WHRN: variants seen among roughly 807,000 people sequenced by gnomAD.
WHRN encodes the protein CASK-interacting protein CIP98.
In WHRN, 41 loss-of-function variants were observed where a neutral mutation model predicts 68.3. The observed-to-expected ratio is 0.60, with a 90% CI of 0.47 to 0.78. WHRN has a LOEUF of 0.78. Among genes scored for constraint, WHRN ranks in the 30% least tolerant of loss-of-function variants. WHRN has a pLI of 0.00. For synonymous variants in WHRN, 560 were observed against 561.3 expected (o/e 1.00, Z 0.03); for missense variants, 1,243 against 1,244.7 (o/e 1.00, Z 0.02).
intron 3 of WHRN, among the ~76,000 whole-genome samples, chr9:114,436,283 T>C (rs977381089): frequency 2.6e-5 from 4 of 152,238 alleles, no homozygotes; most frequent in African/African-American, 9.6e-5. Context: ...TGTATTACAC[T>C]ATAATGTTTG....
At position 114,424,641 on chromosome 9, in the gene WHRN, T is replaced by C. The variant is rs1407375529; in HGVS notation, c.1204-95A>G. Reference sequence around the variant, plus strand: ...CCTCTGCCCTTCCATCCTGTCTAAGTGTGGTGTTTCATCTGTTATTCTCCC... The same window carrying C: ...CCTCTGCCCTTCCATCCTGTCTAAGCGTGGTGTTTCATCTGTTATTCTCCC... On this transcript the variant is annotated intron_variant, in intron 5 of 11. Transcript: ENST00000362057. 2.9e-6 allele frequency: 4 copies of C among 1,355,992 alleles called. No individual in the cohort carries two copies. The African/African-American group carries it at 5.8e-5, about 20-fold the overall frequency. 84.0% of individuals were successfully genotyped at this position (1,355,992 alleles called of 1,614,324 possible).
At chr9:114,404,979 G>T (rs4979380) in intron 9 of WHRN, among the ~76,000 whole-genome samples, 2 of 151,802 alleles carry the variant, frequency 1.3e-5, no homozygotes, top group South Asian at 4.2e-4. Flanking sequence ...ACTCAGCTCA[G>T]GCAGGGGCCA....
Position 114,486,372 on chromosome 9 carries a change from G to A in WHRN, c.619-7601C>T, listed in dbSNP as rs189791442. Among the ~76,000 whole-genome samples the A allele has an allele frequency of 8.5e-5, 13 of 152,272 alleles. No individual in the cohort carries two copies. The East Asian group carries it at 1.9e-3, about 23-fold the overall frequency. On this transcript the variant is annotated intron_variant, in intron 1 of 11. Transcript: ENST00000362057. ...AGCACACTTCTGTGATTGTGCTGCC[G>A]TCTATACCACAGGCTCTGAGTCACA...
At chr9:114,404,430 T>C (rs180732097) in intron 9 of WHRN, among the ~76,000 whole-genome samples, 41 of 152,350 alleles carry the variant, frequency 2.7e-4, no homozygotes, top group Non-Finnish European at 5.4e-4. Context: ...CACATAATGC[T>C]ACCAATTTTT....
rs1038477778 is a variant in WHRN, at chr9:114,505,434, C to G, written c.-633G>C. 1 of 152,332 alleles carries G rather than the reference C, an allele frequency of 6.6e-6. No homozygotes were observed. The highest frequency in any genetic ancestry group is 1.5e-5 in the Non-Finnish European group (1 of 68,142). 9.4% of individuals were successfully genotyped at this position (152,332 alleles called of 1,614,324 possible). A position where few individuals can be genotyped will look rare whatever the true frequency, so the allele number is the denominator to read the frequency against. On this transcript the variant is annotated 5_prime_UTR_variant, in exon 1 of 12. Coordinates refer to ENST00000362057, the MANE Select transcript of WHRN (RefSeq NM_015404.4). Reference sequence around the variant, plus strand: ...CGCCTCTGCGCCGCCCGGCCGCAAGCCCGGACTTTGCGAACTGTTGAGCCA... The same window carrying G: ...CGCCTCTGCGCCGCCCGGCCGCAAGGCCGGACTTTGCGAACTGTTGAGCCA...
At chr9:114,468,453 C>T (rs185341555) in intron 2 of WHRN, among the ~76,000 whole-genome samples, 10 of 152,200 alleles carry the variant, frequency 6.6e-5, no homozygotes, top group Non-Finnish European at 1.3e-4. Flanking sequence ...GAACAAAAAG[C>T]GGTGGCTTTG....
chr9:114,494,411 G>C (rs1843272273), intron 1 of WHRN, among the ~76,000 whole-genome samples: 1 of 152,194 alleles, frequency 6.6e-6, no homozygotes, highest in Non-Finnish European at 1.5e-5. Flanking sequence ...GAGGAAACCT[G>C]AACAGAGAAG....
intron 2 of WHRN, among the ~76,000 whole-genome samples, chr9:114,475,791 G>T: frequency 6.6e-6 from 1 of 152,100 alleles, no homozygotes; most frequent in East Asian, 1.9e-4. Flanking sequence ...CTTCCCAATA[G>T]GGAAATGGGG....
At chr9:114,463,695 C>A (rs184512165) in intron 3 of WHRN, among the ~76,000 whole-genome samples, 301 of 152,336 alleles carry the variant, frequency 2.0e-3, no homozygotes, top group African/African-American at 6.7e-3. Context: ...TTCCAACATA[C>A]ATTTATTAAA....
At position 114,466,422 on chromosome 9, in the gene WHRN, G is replaced by A. The variant is rs773437643; in HGVS notation, c.838-30C>T. 9.3e-6 allele frequency: 15 copies of A among 1,613,172 alleles called. No individual in the cohort carries two copies. The South Asian group carries it at 1.5e-4, about 17-fold the overall frequency. On this transcript the variant is annotated intron_variant, in intron 2 of 11. Transcript: ENST00000362057. ...CAGAGGGAGAGGATAACATTAGAGG[G>A]ACTGGAGGAGCCATCCCTTCCGGGG... is the stretch of plus-strand genomic sequence containing the variant.
intron 3 of WHRN, among the ~76,000 whole-genome samples, chr9:114,456,554 G>T (rs1839818045): frequency 6.6e-6 from 1 of 152,168 alleles, no homozygotes; most frequent in Admixed American, 6.5e-5. Flanking sequence ...GGGGCCAGGT[G>T]TGGTGGCTCA....
chr9:114,428,313 G>C (rs925437516), intron 3 of WHRN, among the ~76,000 whole-genome samples: 2 of 152,230 alleles, frequency 1.3e-5, no homozygotes, highest in African/African-American at 4.8e-5. Context: ...CTGGGTGACA[G>C]AGCAAGACTC....
chr9:114,469,248 G>C (rs61623886), intron 2 of WHRN, among the ~76,000 whole-genome samples: 10,798 of 152,288 alleles, frequency 0.071, 1,297 homozygotes, highest in African/African-American at 0.25. Context: ...TGATGACTGT[G>C]GGCTGCTGTG....
chr9:114,478,813 C>G, intron 1 of WHRN, 42 bp from the exon 2 acceptor site: 1 of 1,575,614 alleles, frequency 6.3e-7, no homozygotes, highest in South Asian at 1.1e-5. Context: ...AGGGAGGTGC[C>G]GGGGGTGTGG....
At chr9:114,503,615 C>T (rs1249314171) in intron 1 of WHRN, 1 of 153,088 alleles carries the variant, frequency 6.5e-6, no homozygotes, top group Non-Finnish European at 1.5e-5. Context: ...GGTTAGGGAC[C>T]GCTTATTTGG....
At chr9:114,431,612 G>A (rs1374046853) in intron 3 of WHRN, among the ~76,000 whole-genome samples, 6 of 152,088 alleles carry the variant, frequency 3.9e-5, no homozygotes, top group Admixed American at 3.9e-4. Context: ...GTCAGTTGGT[G>A]TGAGTGAATT....
intron 3 of WHRN, among the ~76,000 whole-genome samples, chr9:114,448,166 C>G (rs997348950): frequency 2.0e-5 from 3 of 152,138 alleles, no homozygotes; most frequent in African/African-American, 7.2e-5. Flanking sequence ...AAAAAGAGAT[C>G]ATCTTGGATT....
In WHRN at chr9:114,461,587, G is replaced by T. The variant is rs542114944; in HGVS notation, c.963+4680C>A. 1.2e-4 allele frequency among the ~76,000 whole-genome samples: 19 copies of T among 152,294 alleles called. 1 individual carries two copies. The South Asian group carries it at 2.9e-3, about 23-fold the overall frequency. ...ATCTTCTCCCCACCTGGCTTTCCAC[G>T]TTCAGCCACATGGGCCTTCCTCTGC... On this transcript the variant is annotated intron_variant, in intron 3 of 11. Coordinates refer to ENST00000362057, the MANE Select transcript of WHRN (RefSeq NM_015404.4).
Position 114,426,328 on chromosome 9 carries a change from C to T in WHRN, c.1049G>A (p.Arg350Gln), listed in dbSNP as rs529362314. 35 of 1,613,942 alleles carry T rather than the reference C, an allele frequency of 2.2e-5. No individual in the cohort carries two copies. The African/African-American group carries it at 3.7e-4, about 17-fold the overall frequency. Residue 350 changes from arginine (R) to glutamine (Q), a missense_variant, in exon 4 of 12, where the codon CGG becomes CAG. Coordinates refer to ENST00000362057, the MANE Select transcript of WHRN (RefSeq NM_015404.4). ...DEAVRLLKSS[R>Q]HLILTVKDVG... ...GTCCTTCACTGTCAGGATGAGGTGC[C>T]GAGATGACTTAAGCAGCCTGACAGC...
Sources: gnomAD v4.1 joint callset for allele counts (sites outside exome capture counted in the v4.1 genomes callset) on GRCh38, gnomAD v4.1.1 for gene constraint, MANE v1.5 for transcripts, NCBI Gene and HGNC (gene_info 2026-07-23, HGNC 2026-07-21) for gene names.